The following PPP3CA variants were observed in gnomAD, a reference collection of about 807,000 sequenced individuals.
PPP3CA encodes the protein CAM-PRP catalytic subunit.
In PPP3CA, 14 loss-of-function variants were observed where a neutral mutation model predicts 66.5. The observed-to-expected ratio is 0.21, with a 90% CI of 0.14 to 0.33. The LOEUF is 0.33. PPP3CA is among the 10% of genes least tolerant of loss of function. The pLI, the probability that PPP3CA is intolerant of heterozygous loss-of-function variation, is 1.00. For synonymous variants in PPP3CA, 232 were observed against 226.2 expected (o/e 1.03, Z -0.23); for missense variants, 317 against 639.5 (o/e 0.50, Z 5.44).
chr4:101,151,935 C>T (rs1467946952), intron 2 of PPP3CA, among the ~76,000 whole-genome samples: 1 of 151,942 alleles, frequency 6.6e-6, no homozygotes, highest in Non-Finnish European at 1.5e-5. Flanking sequence ...GGATTACAGG[C>T]GTGAGCCACT....
chr4:101,056,994 G>A (rs768481759), intron 10 of PPP3CA, among the ~76,000 whole-genome samples: 6 of 151,724 alleles, frequency 4.0e-5, no homozygotes, highest in South Asian at 2.1e-4. Context: ...TTGATGTCAT[G>A]TTACATTAAA....
Position 101,063,406 on chromosome 4 carries a change from T to C in PPP3CA, c.956-49A>G, listed in dbSNP as rs772092993. ...TTAGGAACACAGAACATATTTCTGC[T>C]TCTATGTATGGCTTTAGCTCATCAA... On this transcript the variant is annotated intron_variant, in intron 8 of 13. Transcript: ENST00000394854. 26 of 1,578,050 alleles carry C rather than the reference T, an allele frequency of 1.6e-5. No individual in the cohort carries two copies. The East Asian group carries it at 5.9e-4, about 36-fold the overall frequency.
chr4:101,051,147 A>C lies in PPP3CA; in HGVS notation c.1156+9940T>G, dbSNP rs75922834. 9.2e-3 allele frequency among the ~76,000 whole-genome samples: 1,404 copies of C among 152,298 alleles called. 29 individuals carry two copies. The highest frequency in any genetic ancestry group is 0.032 in the African/African-American group (1,336 of 41,572). On this transcript the variant is annotated intron_variant, in intron 10 of 13. Coordinates refer to ENST00000394854, the MANE Select transcript of PPP3CA (RefSeq NM_000944.5). ...TCTATTTCTACAGAGTTCTGAGACAAAACGGGAGGACAGCTTTTATATCTT... is the reference window on the plus strand; with the variant it reads ...TCTATTTCTACAGAGTTCTGAGACACAACGGGAGGACAGCTTTTATATCTT...
At chr4:101,223,158 T>G (rs1560666834) in intron 1 of PPP3CA, among the ~76,000 whole-genome samples, 1 of 151,894 alleles carries the variant, frequency 6.6e-6, no homozygotes, top group Middle Eastern at 3.4e-3. Flanking sequence ...ATGGAAAGAC[T>G]GGCTTAAATT....
chr4:101,120,692 T>A (rs1364074192), intron 2 of PPP3CA, among the ~76,000 whole-genome samples: 1 of 152,072 alleles, frequency 6.6e-6, no homozygotes, highest in Non-Finnish European at 1.5e-5. Flanking sequence ...ATCTGAGAAC[T>A]TAGATTAGAT....
chr4:101,118,956 ATTTTT>A (rs201507463), intron 2 of PPP3CA, among the ~76,000 whole-genome samples: 43 of 129,930 alleles, frequency 3.3e-4, no homozygotes, highest in East Asian at 8.6e-4. Flanking sequence ...GAACTTACAG[ATTTTT>A]TTTTTTTTTT....
chr4:101,120,413 A>C (rs1721989072), intron 2 of PPP3CA, among the ~76,000 whole-genome samples: 1 of 151,960 alleles, frequency 6.6e-6, no homozygotes, highest in Non-Finnish European at 1.5e-5. Context: ...ACATCAGTGG[A>C]TTTCCCTCTC....
intron 1 of PPP3CA, among the ~76,000 whole-genome samples, chr4:101,313,933 T>C (rs1016030794): frequency 7.9e-5 from 12 of 152,338 alleles, no homozygotes; most frequent in African/African-American, 2.9e-4. Context: ...TGGGGGGAAC[T>C]GATCCCAAAA....
chr4:101,082,543 A>C (rs1412866716), intron 7 of PPP3CA, among the ~76,000 whole-genome samples: 3 of 152,216 alleles, frequency 2.0e-5, no homozygotes, highest in African/African-American at 4.8e-5. Flanking sequence ...CCTAATGTAG[A>C]TTTAATATAC....
intron 8 of PPP3CA, among the ~76,000 whole-genome samples, chr4:101,064,936 C>T (rs1265327025): frequency 4.6e-5 from 7 of 151,906 alleles, no homozygotes; most frequent in Admixed American, 4.6e-4. Context: ...ATGGTAAGGC[C>T]TTTGCTTTGA....
intron 2 of PPP3CA, among the ~76,000 whole-genome samples, chr4:101,112,290 AAATT>A (rs1445752804): frequency 1.3e-5 from 2 of 152,188 alleles, no homozygotes; most frequent in Non-Finnish European, 2.9e-5. Flanking sequence ...TACAAAAACA[AAATT>A]AATCTCTTCT....
chr4:101,324,162 A>G (rs556926660), intron 1 of PPP3CA, among the ~76,000 whole-genome samples: 1,983 of 74,514 alleles, frequency 0.027, 85 homozygotes, highest in African/African-American at 0.13. Context: ...GGGAGGAAGG[A>G]AGGAAGGAAG....
In PPP3CA at chr4:101,192,360, T is replaced by A. The variant is rs528145179; in HGVS notation, c.259+3556A>T. ...TCCCCACCTCTTCCTACTCATCTCA[T>A]CCAGGACACTATTCCAGCCACAAAC... On this transcript the variant is annotated intron_variant, in intron 2 of 13. Coordinates refer to ENST00000394854, the MANE Select transcript of PPP3CA (RefSeq NM_000944.5). Among the ~76,000 whole-genome samples, 24 of 152,228 alleles carry A rather than the reference T, an allele frequency of 1.6e-4. No individual in the cohort carries two copies. The South Asian group carries it at 5.0e-3, about 32-fold the overall frequency.
chr4:101,342,532 C>T (rs1729850007), intron 1 of PPP3CA, among the ~76,000 whole-genome samples: 1 of 152,146 alleles, frequency 6.6e-6, no homozygotes, highest in Admixed American at 6.5e-5. Context: ...GGTATATTAA[C>T]AATGCTGGAA....
intron 1 of PPP3CA, among the ~76,000 whole-genome samples, chr4:101,291,629 G>A (rs1218807646): frequency 1.3e-5 from 2 of 152,144 alleles, no homozygotes; most frequent in Admixed American, 1.3e-4. Context: ...GATTAATAAC[G>A]CAACATCCTT....
intron 2 of PPP3CA, among the ~76,000 whole-genome samples, chr4:101,168,148 T>C (rs1323961550): frequency 1.3e-5 from 2 of 152,116 alleles, no homozygotes; most frequent in African/African-American, 2.4e-5. Context: ...AGACAGGGAA[T>C]GGAGAAGTGA....
chr4:101,074,212 T>C (rs1729046318), intron 8 of PPP3CA, among the ~76,000 whole-genome samples: 1 of 152,148 alleles, frequency 6.6e-6, no homozygotes, highest in South Asian at 2.1e-4. Flanking sequence ...AGTGAGCTCT[T>C]TGATGTGCTG....
At chr4:101,189,433 C>T (rs1324212672) in intron 2 of PPP3CA, among the ~76,000 whole-genome samples, 1 of 151,972 alleles carries the variant, frequency 6.6e-6, no homozygotes, top group Non-Finnish European at 1.5e-5. Flanking sequence ...CATATGGTTA[C>T]TTCCAGATTT....
chr4:101,293,884 C>T (rs1728110644), intron 1 of PPP3CA, among the ~76,000 whole-genome samples: 3 of 152,048 alleles, frequency 2.0e-5, no homozygotes, highest in Admixed American at 2.0e-4. Context: ...CTCTTTTGCT[C>T]CATGAGGGCA....
Sources: allele counts gnomAD v4.1 joint callset (sites outside exome capture counted in the v4.1 genomes callset), GRCh38; gene constraint gnomAD v4.1.1; transcripts MANE v1.5; gene names NCBI Gene and HGNC (gene_info 2026-07-23, HGNC 2026-07-21).